LOC128092252: variants seen among roughly 807,000 people sequenced by gnomAD.
At chr15:50,664,499 GAGA>G in the LOC128092252 span, among the ~76,000 whole-genome samples, 1 of 152,060 alleles carries the variant, frequency 6.6e-6, no homozygotes, top group African/African-American at 2.4e-5. Flanking sequence ...AATAGGGATA[GAGA>G]AGGTTATTAC....
chr15:50,677,515 C>T, the LOC128092252 span, among the ~76,000 whole-genome samples: 1 of 151,794 alleles, frequency 6.6e-6, no homozygotes. Flanking sequence ...CCAAGGCAGG[C>T]GGATCGCAAG....
At chr15:50,650,557 T>C in the LOC128092252 span, among the ~76,000 whole-genome samples, 1 of 151,844 alleles carries the variant, frequency 6.6e-6, no homozygotes, top group Non-Finnish European at 1.5e-5. Context: ...TAACTAGGCA[T>C]GGTGGCGTAC....
At chr15:50,655,888 G>T in the LOC128092252 span, among the ~76,000 whole-genome samples, 3 of 151,976 alleles carry the variant, frequency 2.0e-5, no homozygotes, top group Non-Finnish European at 4.4e-5. Flanking sequence ...TTCTGGGGAG[G>T]CTGAGGCAGG....
At chr15:50,658,429 G>T in the LOC128092252 span, among the ~76,000 whole-genome samples, 2 of 152,070 alleles carry the variant, frequency 1.3e-5, no homozygotes, top group African/African-American at 4.8e-5. Flanking sequence ...AATTAGCTAG[G>T]GGTAGTGGTG....
At chr15:50,653,420 A>C in the LOC128092252 span, among the ~76,000 whole-genome samples, 1 of 152,238 alleles carries the variant, frequency 6.6e-6, no homozygotes, top group Non-Finnish European at 1.5e-5. Flanking sequence ...GTACCACTAC[A>C]TGCTAAGTCT....
At chr15:50,656,717 T>A in the LOC128092252 span, among the ~76,000 whole-genome samples, 14 of 152,210 alleles carry the variant, frequency 9.2e-5, no homozygotes, top group African/African-American at 3.1e-4. Context: ...TCTATGTACT[T>A]TTATTCCTAG....
At chr15:50,686,245 C>G in the LOC128092252 span, among the ~76,000 whole-genome samples, 3 of 152,224 alleles carry the variant, frequency 2.0e-5, no homozygotes, top group African/African-American at 4.8e-5. Context: ...CAGGTAGTCC[C>G]GGGCTCGCGC....
At chr15:50,686,479 C>T in the LOC128092252 span, 9 of 1,614,140 alleles carry the variant, frequency 5.6e-6, no homozygotes, top group South Asian at 4.4e-5. Context: ...CTCTCCTTTA[C>T]CGCCCGCAAC....
At chr15:50,652,096 G>GC in the LOC128092252 span, among the ~76,000 whole-genome samples, 29 of 151,678 alleles carry the variant, frequency 1.9e-4, no homozygotes, top group Non-Finnish European at 3.5e-4. Context: ...ACTTCAGGGG[G>GC]CCGAGGCGGG....
the LOC128092252 span, among the ~76,000 whole-genome samples, chr15:50,652,328 CAAAAAAAAAAA>C: frequency 1.5e-4 from 5 of 34,226 alleles, no homozygotes; most frequent in Admixed American, 1.0e-3. Context: ...GACTCCATCT[CAAAAAAAAAAA>C]AAAAAAAAAA....
chr15:50,655,824 T>C, the LOC128092252 span, among the ~76,000 whole-genome samples: 1 of 152,062 alleles, frequency 6.6e-6, no homozygotes, highest in South Asian at 2.1e-4. Flanking sequence ...ACCCCATCTA[T>C]ACTAAAAGTA....
chr15:50,685,215 G>A, the LOC128092252 span, among the ~76,000 whole-genome samples: 1 of 152,166 alleles, frequency 6.6e-6, no homozygotes, highest in Admixed American at 6.5e-5. Flanking sequence ...GTAATCCCAG[G>A]ACTTTGGGGG....
At chr15:50,668,283 G>A in the LOC128092252 span, among the ~76,000 whole-genome samples, 7 of 152,162 alleles carry the variant, frequency 4.6e-5, no homozygotes, top group African/African-American at 1.7e-4. Flanking sequence ...TTAACTTCAT[G>A]GACTGAATTA....
the LOC128092252 span, among the ~76,000 whole-genome samples, chr15:50,673,477 G>A: frequency 3.9e-5 from 6 of 151,926 alleles, no homozygotes; most frequent in African/African-American, 9.7e-5. Context: ...ATGCCTTTGC[G>A]TCCTCATAGC....
chr15:50,661,344 T>C, the LOC128092252 span, among the ~76,000 whole-genome samples: 6 of 152,260 alleles, frequency 3.9e-5, no homozygotes, highest in South Asian at 1.0e-3. Context: ...AGACTGAATG[T>C]AGCACTACTT....
At chr15:50,686,593 T>C in the LOC128092252 span, 3 of 1,599,724 alleles carry the variant, frequency 1.9e-6, no homozygotes, top group East Asian at 2.3e-5. Context: ...CTCCGCGGCC[T>C]GTAGCCATCT....
At chr15:50,666,872 G>T in the LOC128092252 span, among the ~76,000 whole-genome samples, 1 of 152,098 alleles carries the variant, frequency 6.6e-6, no homozygotes, top group Non-Finnish European at 1.5e-5. Flanking sequence ...CAAGGTAATT[G>T]AAAGATAAAG....
the LOC128092252 span, among the ~76,000 whole-genome samples, chr15:50,655,596 G>A: frequency 6.6e-6 from 1 of 151,980 alleles, no homozygotes. Flanking sequence ...AATATTTAAA[G>A]TAGCTAGAGA....
At chr15:50,678,424 C>T in the LOC128092252 span, among the ~76,000 whole-genome samples, 2 of 150,560 alleles carry the variant, frequency 1.3e-5, no homozygotes, top group African/African-American at 4.9e-5. Flanking sequence ...AATAAGCTGG[C>T]ACTCTCTGAC....
Sources: gnomAD v4.1 joint callset for allele counts (sites outside exome capture counted in the v4.1 genomes callset) on GRCh38, gnomAD v4.1.1 for gene constraint, MANE v1.5 for transcripts.